EIF2B3: variants seen among roughly 807,000 people sequenced by gnomAD.
EIF2B3 encodes the protein translation initiation factor eIF2B subunit gamma.
EIF2B3 carries 20 observed loss-of-function variants against 54.1 expected under a neutral mutation model. That is an observed-to-expected ratio of 0.37 (90% CI 0.26 to 0.54). The LOEUF is 0.54. EIF2B3 is among the 20% of genes least tolerant of loss of function. The pLI, the probability that EIF2B3 is intolerant of heterozygous loss-of-function variation, is 0.86. For synonymous variants in EIF2B3, 153 were observed against 188.1 expected, an observed-to-expected ratio of 0.81 and a Z score of 1.52; for missense variants, 448 against 547.8, an observed-to-expected ratio of 0.82 and a Z score of 1.82.
At chr1:44,854,013 T>G (rs533490463) in intron 11 of EIF2B3, among the ~76,000 whole-genome samples, 25 of 151,340 alleles carry the variant, frequency 1.7e-4, no homozygotes, top group Admixed American at 3.3e-4. Context: ...TTTTGTTTTT[T>G]TTTTTTCTGA....
chr1:44,881,791 C>A lies in EIF2B3; in HGVS notation c.657-52G>T, dbSNP rs753907652. ...AGAAACCTGACTGTCTGGAACATAC[C>A]CGGATCAAAAGCTCTGTGCATACAA... On this transcript the variant is annotated intron_variant, in intron 6 of 11. Coordinates refer to ENST00000360403, the MANE Select transcript of EIF2B3 (RefSeq NM_020365.5). This position sits in a 1 kb window ranked among gnomAD's most constrained non-coding sequence, Gnocchi z 4.0. 1.7e-5 allele frequency: 28 copies of A among 1,608,076 alleles called. No homozygotes were observed. Among genetic ancestry groups the A allele is most frequent in the Admixed American group, 3.3e-5 (2 of 59,820 alleles).
chr1:44,961,980 T>C (rs1644289460), intron 3 of EIF2B3, among the ~76,000 whole-genome samples: 1 of 152,034 alleles, frequency 6.6e-6, no homozygotes, highest in South Asian at 2.1e-4. Flanking sequence ...TCACTTGAGG[T>C]CAGGAGTTCA....
rs1244748635 is a variant in EIF2B3 at position 44,875,659 on chromosome 1, G to C, written c.1012C>G (p.Pro338Ala). The change falls in exon 9 of 12, where the codon CCA becomes GCA. Residue 338 changes from proline to alanine, a missense_variant. Transcript: ENST00000360403. ...KLLSALCPEE[P>A]PVHSSAQIVS... ...ATCTGGGCTGACGAATGGACTGGTG[G>C]TTCTTCTGGACAGAGAGCAGACAGC... 2 of 1,614,082 alleles carry C rather than the reference G, an allele frequency of 1.2e-6. No homozygotes were observed. The highest frequency in any genetic ancestry group is 2.2e-5 in the East Asian group (1 of 44,896).
Position 44,983,042 on chromosome 1 carries a change from T to C in EIF2B3, c.-9-1865A>G, listed in dbSNP as rs538551534. On this transcript the variant is annotated intron_variant, in intron 1 of 11. Transcript: ENST00000360403. Reference sequence around the variant, plus strand: ...ACCTTGGCCTCCCAAAGTGCTGGGATTACAGGTATGAGCCACTGCACCTGG... The same window carrying C: ...ACCTTGGCCTCCCAAAGTGCTGGGACTACAGGTATGAGCCACTGCACCTGG... Among the ~76,000 whole-genome samples the C allele has an allele frequency of 4.5e-4, 69 of 152,288 alleles. 1 individual carries two copies. The highest frequency in any genetic ancestry group is 3.4e-3 in the Middle Eastern group (1 of 292).
intron 8 of EIF2B3, among the ~76,000 whole-genome samples, chr1:44,878,408 G>A (rs1230867604): frequency 6.6e-6 from 1 of 152,064 alleles, no homozygotes; most frequent in Non-Finnish European, 1.5e-5. Context: ...GATTACAGGT[G>A]CATGCCACCA....
At chr1:44,858,338 C>G (rs1401892904) in intron 10 of EIF2B3, among the ~76,000 whole-genome samples, 1 of 152,084 alleles carries the variant, frequency 6.6e-6, no homozygotes, top group Non-Finnish European at 1.5e-5. Flanking sequence ...ACTGCTGCTT[C>G]TCATCTGGGA....
chr1:44,885,652 C>T (rs1176150397), intron 6 of EIF2B3, among the ~76,000 whole-genome samples: 5 of 152,026 alleles, frequency 3.3e-5, no homozygotes, highest in East Asian at 1.9e-4. Flanking sequence ...AAGGTATTCC[C>T]GTTATTTATA....
At chr1:44,891,202 T>G (rs1330428765) in intron 6 of EIF2B3, among the ~76,000 whole-genome samples, 1 of 152,150 alleles carries the variant, frequency 6.6e-6, no homozygotes, top group Non-Finnish European at 1.5e-5. Context: ...TGGGCTCAAG[T>G]AATCCTCCCA....
At chr1:44,971,789 T>A (rs138395998) in intron 3 of EIF2B3, among the ~76,000 whole-genome samples, 1 of 151,958 alleles carries the variant, frequency 6.6e-6, no homozygotes, top group African/African-American at 2.4e-5. Context: ...TCCCAGCACA[T>A]TGGGAGGCTG....
chr1:44,868,914 G>A (rs1654870972), intron 10 of EIF2B3, among the ~76,000 whole-genome samples: 1 of 152,156 alleles, frequency 6.6e-6, no homozygotes. Context: ...TAAAAATTCA[G>A]GAGTTCAGCT....
intron 10 of EIF2B3, among the ~76,000 whole-genome samples, chr1:44,873,108 TC>T (rs1441328456): frequency 6.6e-5 from 10 of 152,242 alleles, no homozygotes; most frequent in Non-Finnish European, 1.5e-5. Context: ...GCTTATTTTT[TC>T]CTTTGGAGGG....
intron 10 of EIF2B3, chr1:44,874,377 A>G (rs775448644): frequency 2.8e-6 from 1 of 354,132 alleles, no homozygotes; most frequent in Non-Finnish European, 5.2e-6. Context: ...TTTATGCCCC[A>G]TTTAGAGCTG....
At chr1:44,915,500 T>C (rs528612129) in intron 5 of EIF2B3, among the ~76,000 whole-genome samples, 24 of 151,828 alleles carry the variant, frequency 1.6e-4, no homozygotes, top group African/African-American at 5.5e-4. Context: ...CAGCTGGGAT[T>C]AAAGACATGT....
Position 44,881,004 on chromosome 1 carries a change from G to A in EIF2B3, c.784+608C>T, listed in dbSNP as rs892079782. On this transcript the variant is annotated intron_variant, in intron 7 of 11. Coordinates refer to ENST00000360403, the MANE Select transcript of EIF2B3 (RefSeq NM_020365.5). This position sits in a 1 kb window ranked among gnomAD's most constrained non-coding sequence, Gnocchi z 4.0. ...AAAGACACAATGCTAGTAAGAGGCA[G>A]TCAGATTTCAAATCCAGAACTGTCT... Among the ~76,000 whole-genome samples the A allele has an allele frequency of 3.9e-5, 6 of 152,082 alleles. No individual in the cohort carries two copies. Among genetic ancestry groups the A allele is most frequent in the Non-Finnish European group, 4.4e-5 (3 of 67,998 alleles).
At chr1:44,979,168 G>C (rs1644487181) in intron 2 of EIF2B3, among the ~76,000 whole-genome samples, 1 of 151,046 alleles carries the variant, frequency 6.6e-6, no homozygotes, top group South Asian at 2.1e-4. Context: ...AGGATTGCTT[G>C]AGTCTGGGAG....
chr1:44,941,635 T>C lies in EIF2B3; in HGVS notation c.325A>G (p.Ile109Val), dbSNP rs775628640. Residue 109 changes from isoleucine to valine, a missense_variant, in exon 4 of 12, where the codon ATA (isoleucine) becomes GTA (valine). Physicochemically the swap from Ile to Val is conservative, Grantham distance 29. Around this residue, in one of 3 missense-constraint regions of EIF2B3, gnomAD observed 350 missense variants for 414.2 expected, o/e 0.85. Coordinates refer to ENST00000360403, the MANE Select transcript of EIF2B3 (RefSeq NM_020365.5). ...ACCTCATGTAAGGCAACGTCTGTTATCAGATCACAGCTCAGCACCAGCACA... is the reference window on the plus strand; with the variant it reads ...ACCTCATGTAAGGCAACGTCTGTTACCAGATCACAGCTCAGCACCAGCACA... ...TDVLVLSCDL[I>V]TDVALHEVVD... The C allele has an allele frequency of 6.2e-6, 10 of 1,614,154 alleles. No homozygotes were observed. Among genetic ancestry groups the C allele is most frequent in the South Asian group, 1.1e-5 (1 of 91,090 alleles).
intron 11 of EIF2B3, among the ~76,000 whole-genome samples, chr1:44,855,089 CAAAA>C (rs111960773): frequency 2.1e-5 from 2 of 95,226 alleles, no homozygotes; most frequent in African/African-American, 3.4e-5. Context: ...GGCTCAGTCT[CAAAA>C]AAAAAAAAAA....
chr1:44,901,489 G>T (rs1043971136), intron 5 of EIF2B3, among the ~76,000 whole-genome samples: 6 of 150,498 alleles, frequency 4.0e-5, no homozygotes, highest in African/African-American at 1.5e-4. Flanking sequence ...GGCCCCAAGC[G>T]ATCCTCCTGC....
At position 44,874,327 on chromosome 1, in the gene EIF2B3, G is replaced by A. The variant is rs145696292; in HGVS notation, c.1202+351C>T. On this transcript the variant is annotated intron_variant, in intron 10 of 11. Transcript: ENST00000360403. ...GCATCTTGCTGAATAAATCTTTCCT[G>A]GATTCTTTGGTTTTGTTCCAGTTTG... is the stretch of plus-strand genomic sequence containing the variant. Among the ~76,000 whole-genome samples the A allele has an allele frequency of 4.5e-3, 685 of 152,090 alleles. 4 individuals are homozygous for A. Among genetic ancestry groups the A allele is most frequent in the African/African-American group, 0.016 (650 of 41,486 alleles).
Sources: gnomAD v4.1 joint callset for allele counts (sites outside exome capture counted in the v4.1 genomes callset) on GRCh38, gnomAD v4.1.1 for gene constraint, gnomAD v4.1.1 regional missense constraint, Gnocchi (gnomAD v3.1) non-coding constraint, MANE v1.5 for transcripts, NCBI Gene and HGNC (gene_info 2026-07-23, HGNC 2026-07-21) for gene names.